SFR1: variants seen among roughly 807,000 people sequenced by gnomAD.
SFR1 encodes SWI5 dependent homologous recombination repair protein 1, also known as swi5-dependent recombination DNA repair protein 1 homolog.
In SFR1, 24 loss-of-function variants were observed where a neutral mutation model predicts 26.2. That is an observed-to-expected ratio of 0.92 (90% CI 0.66 to 1.29). The LOEUF (loss-of-function observed/expected upper bound fraction) is 1.29. Ranked by LOEUF, SFR1 falls within the 50% of genes most tolerant of loss-of-function variation. The pLI is 0.00. For missense variants in SFR1, 276 were observed against 270.2 expected, an observed-to-expected ratio of 1.02 and a Z score of -0.15; for synonymous variants, 77 against 96.6, an observed-to-expected ratio of 0.80 and a Z score of 1.19.
At chr10:104,121,968 T>C (rs940547774), upstream of SFR1, 4 of 527,556 alleles carry the variant, frequency 7.6e-6, no homozygotes, top group African/African-American at 8.2e-5. Context: ...ATCATGCGTC[T>C]GGGCCTCCCA....
intron 1 of SFR1, chr10:104,122,602 G>A (rs1372336310): frequency 2.0e-6 from 2 of 985,204 alleles, no homozygotes; most frequent in Non-Finnish European, 2.4e-6. Flanking sequence ...TCAAGGTTTC[G>A]GCTATAGCTT....
Position 104,125,904 on chromosome 10 carries a change from T to A in SFR1, c.*200T>A, listed in dbSNP as rs563507305. The A allele has an allele frequency of 3.7e-5, 14 of 379,784 alleles. No individual in the cohort carries two copies. The South Asian group carries it at 4.5e-4, about 12-fold the overall frequency. The allele number at this position is 379,784 out of a possible 1,614,324, so 23.5% of individuals were successfully genotyped here. A position where few individuals can be genotyped will look rare whatever the true frequency, so the allele number is the denominator to read the frequency against. The stretch of plus-strand genomic sequence containing the variant: ...CCTCAGCCTCCCGAGTAGCTGAGAT[T>A]ACAGGCGCCCGCCACCATGCCCGGC... On this transcript the variant is annotated 3_prime_UTR_variant, in exon 4 of 4. Transcript: ENST00000369727.
intron 1 of SFR1, 96 bp from the exon 2 acceptor site, chr10:104,122,869 T>C: frequency 1.3e-6 from 2 of 1,566,332 alleles, no homozygotes; most frequent in Non-Finnish European, 1.7e-6. Flanking sequence ...GGCTTACTTG[T>C]GGATGCTTTG....
rs368400073 is a variant in SFR1 at position 104,123,952 on chromosome 10, G to A, written c.374G>A (p.Cys125Tyr). ...AATACTTTGAAGAATCTCAATGTCT[G>A]TGAATCTCAGTCACTTGATTCTGGA... is the stretch of plus-strand genomic sequence containing the variant. ...LKNTLKNLNV[C>Y]ESQSLDSGSC... is the part of the protein sequence containing the mutation. Residue 125 changes from cysteine to tyrosine, a missense_variant, in exon 3 of 4, where the codon TGT (cysteine) becomes TAT (tyrosine). Cys to Tyr is a radical substitution (Grantham distance 194). Transcript: ENST00000369727. The A allele has an allele frequency of 1.2e-5, 19 of 1,613,858 alleles. No individual in the cohort carries two copies. In the African/African-American group the frequency reaches 2.5e-4, roughly 22 times the overall value.
rs568003167 is a variant in SFR1, at chr10:104,124,053, T to C, written c.475T>C (p.Leu159=). The C allele has an allele frequency of 4.3e-6, 7 of 1,613,906 alleles. No individual in the cohort carries two copies. The highest frequency in any genetic ancestry group is 1.3e-5 in the African/African-American group (1 of 75,036). ...AAGATTAAACGCTGAAAAAGCCAAA[T>C]TGGTGAAGCAGGTTCAGGAGAAAGA... ...KQRLNAEKAK[L]VKQVQEKEDL... is the part of the protein sequence containing the mutation. Residue 159 remains leucine, a synonymous_variant, in exon 3 of 4, where the codon TTG becomes CTG. Transcript: ENST00000369727.
intron 1 of SFR1, chr10:104,122,461 C>T (rs2086975047): frequency 1.0e-6 from 1 of 985,446 alleles, no homozygotes; most frequent in Non-Finnish European, 1.2e-6. Context: ...GCCGCTTAAA[C>T]TAAAAGGCTA....
At chr10:104,120,236 T>C (rs1247996427), upstream of SFR1, among the ~76,000 whole-genome samples, 3 of 152,240 alleles carry the variant, frequency 2.0e-5, no homozygotes, top group Non-Finnish European at 1.5e-5. Context: ...CAAATCATTC[T>C]GCTTTTTCTT....
chr10:104,123,025 C>T lies in SFR1; in HGVS notation c.74C>T (p.Pro25Leu). ...ESPSDSAVVL[P>L]STPQASANPS... is the part of the protein sequence containing the mutation. ...CCGTCAGACTCAGCTGTGGTTTTACCTAGCACTCCTCAGGCCTCTGCGAAT... is the reference window on the plus strand; with the variant it reads ...CCGTCAGACTCAGCTGTGGTTTTACTTAGCACTCCTCAGGCCTCTGCGAAT... Residue 25 changes from proline to leucine, a missense_variant, in exon 2 of 4, where the codon CCT (proline) becomes CTT (leucine). Transcript: ENST00000369727. 3 of 1,613,560 alleles carry T rather than the reference C, an allele frequency of 1.9e-6. No individual in the cohort carries two copies. The highest frequency in any genetic ancestry group is 1.7e-4 in the Middle Eastern group (1 of 6,056).
chr10:104,126,323 A>G lies in SFR1; in HGVS notation c.*619A>G, dbSNP rs1208794914. On this transcript the variant is annotated 3_prime_UTR_variant, in exon 4 of 4. Transcript: ENST00000369727. ...AAGTTTATGTACCTTGTTTCCATCC[A>G]TTTACCACATATTTCCATCTGATAG... 2 of 152,654 alleles carry G rather than the reference A, an allele frequency of 1.3e-5. No individual in the cohort carries two copies. The highest frequency in any genetic ancestry group is 3.8e-4 in the East Asian group (2 of 5,198). The allele number at this position is 152,654 out of a possible 1,614,324, so 9.5% of individuals were successfully genotyped here. A position where few individuals can be genotyped will look rare whatever the true frequency, so the allele number is the denominator to read the frequency against.
chr10:104,125,512 G>A lies in SFR1; in HGVS notation c.547-1G>A. The A allele has an allele frequency of 6.3e-7, 1 of 1,599,178 alleles. No individual in the cohort carries two copies. Among genetic ancestry groups the A allele is most frequent in the East Asian group, 2.2e-5 (1 of 44,804 alleles). On this transcript the variant is annotated splice_acceptor_variant, in intron 3 of 3. Transcript: ENST00000369727. LOFTEE classifies it high-confidence loss of function. ...CATACATGTTTTTTTTTCTGTTTCA[G>A]AATGATCTGTCTCAGTTACAGTTGT...
rs771969133 is a variant in SFR1 at position 104,125,483 on chromosome 10, T to C, written c.547-30T>C. ...TAAGTTGAACTAGCATGACTAGTTA[T>C]TGACATACATGTTTTTTTTTCTGTT... On this transcript the variant is annotated intron_variant, in intron 3 of 3. Transcript: ENST00000369727. 15 of 1,562,210 alleles carry C rather than the reference T, an allele frequency of 9.6e-6. No individual in the cohort carries two copies. The South Asian group carries it at 1.5e-4, about 16-fold the overall frequency.
chr10:104,120,793 G>A (rs1299794406), upstream of SFR1, among the ~76,000 whole-genome samples: 1 of 152,112 alleles, frequency 6.6e-6, no homozygotes, highest in Admixed American at 6.6e-5. Flanking sequence ...TGACTGTAAC[G>A]TGTACGCCCC....
At chr10:104,122,821 C>A (rs1442667522) in intron 1 of SFR1, 144 bp from the exon 2 acceptor site, 5 of 1,532,202 alleles carry the variant, frequency 3.3e-6, no homozygotes, top group Non-Finnish European at 4.4e-6. Context: ...GCAAAAAGAG[C>A]AAGAATGAAT....
At chr10:104,121,608 C>G (rs2086961557), upstream of SFR1, among the ~76,000 whole-genome samples, 1 of 152,172 alleles carries the variant, frequency 6.6e-6, no homozygotes, top group South Asian at 2.1e-4. Context: ...GCCAGCCGTG[C>G]GGCTTCTGGC....
intron 2 of SFR1, 63 bp downstream of exon 2, chr10:104,123,149 G>T: frequency 7.8e-7 from 1 of 1,281,224 alleles, no homozygotes; most frequent in Non-Finnish European, 1.1e-6. Context: ...TGGCAGTGGT[G>T]GTTTAAATTC....
chr10:104,125,768 T>A lies in SFR1; in HGVS notation c.*64T>A. Reference sequence around the variant, plus strand: ...ACTTAATTAAAAGATACTTAGGCACTTTTTTTTTTTTTTTGAGACTGAGTT... The same window carrying A: ...ACTTAATTAAAAGATACTTAGGCACATTTTTTTTTTTTTTGAGACTGAGTT... On this transcript the variant is annotated 3_prime_UTR_variant, in exon 4 of 4. Transcript: ENST00000369727. The A allele has an allele frequency of 1.0e-5, 2 of 194,194 alleles. No individual in the cohort carries two copies. The highest frequency in any genetic ancestry group is 7.2e-6 in the Non-Finnish European group (1 of 137,996). The allele number at this position is 194,194 out of a possible 1,614,324, so 12.0% of individuals were successfully genotyped here.
chr10:104,122,887 A>G (rs574851592), intron 1 of SFR1, 78 bp from the exon 2 acceptor site: 53 of 1,581,316 alleles, frequency 3.4e-5, no homozygotes, highest in Non-Finnish European at 4.1e-5. Context: ...TTGTACACCA[A>G]TACAATATAT....
At chr10:104,122,891 A>G in intron 1 of SFR1, 74 bp from the exon 2 acceptor site, 1 of 1,585,328 alleles carries the variant, frequency 6.3e-7, no homozygotes, top group South Asian at 1.1e-5. Context: ...ACACCAATAC[A>G]ATATATTATT....
upstream of SFR1, among the ~76,000 whole-genome samples, chr10:104,120,962 G>A (rs987147960): frequency 6.6e-6 from 1 of 152,092 alleles, no homozygotes; most frequent in Admixed American, 6.5e-5. Flanking sequence ...TCAATAAGAG[G>A]ACTGAAAACA....
Sources: gnomAD v4.1 joint callset for allele counts (sites outside exome capture counted in the v4.1 genomes callset) on GRCh38, gnomAD v4.1.1 for gene constraint, MANE v1.5 for transcripts, NCBI Gene and HGNC (gene_info 2026-07-23, HGNC 2026-07-21) for gene names.